The following WHAMM variants were observed in gnomAD, a reference collection of about 807,000 sequenced individuals.
The protein encoded by WHAMM is WASP homolog-associated protein with actin, membranes and microtubules.
In WHAMM, 67 loss-of-function variants were observed where a neutral mutation model predicts 76.5. The ratio of observed to expected loss-of-function variants is 0.88; its 90% CI spans 0.72 to 1.07. The LOEUF (loss-of-function observed/expected upper bound fraction) is 1.07, where lower values mean the gene tolerates loss of function less well. Among genes scored for constraint, WHAMM ranks in the 50% least tolerant of loss-of-function variants. The probability of loss-of-function intolerance (pLI) is 0.00; values close to 1 mark genes in which losing one functional copy is unlikely to be tolerated. For missense variants in WHAMM, 1,021 were observed against 1,051.1 expected (o/e 0.97, Z 0.40); for synonymous variants, 419 against 422.1 (o/e 0.99, Z 0.09).
In WHAMM at chr15:82,809,758, G is replaced by T; in HGVS notation, c.32G>T (p.Gly11Val). 1 of 1,576,054 alleles carries T rather than the reference G, an allele frequency of 6.3e-7. No individual in the cohort carries two copies. The highest frequency in any genetic ancestry group is 8.6e-7 in the Non-Finnish European group (1 of 1,161,792). Residue 11 changes from glycine to valine, a missense_variant, in exon 1 of 10, where the codon GGC (glycine) becomes GTC (valine). Coordinates refer to ENST00000286760, the MANE Select transcript of WHAMM (RefSeq NM_001080435.3). Reference protein sequence around the residue: MEDEQPDSLEGWVPVREGLFA... With the variant: MEDEQPDSLEVWVPVREGLFA... ...GACGAGCAGCCTGACAGCCTGGAGG[G>T]CTGGGTGCCGGTCCGGGAGGGCCTC...
intron 2 of WHAMM, among the ~76,000 whole-genome samples, chr15:82,815,016 C>T (rs2050696424): frequency 6.8e-6 from 1 of 147,186 alleles, no homozygotes; most frequent in South Asian, 2.1e-4. Flanking sequence ...GTGATCCGCC[C>T]GTCTCGGCCT....
rs1424519383 is a variant in WHAMM at position 82,813,028 on chromosome 15, T to C, written c.610-75T>C. Reference sequence around the variant, plus strand: ...AAAGTTGAGAACATGAAGGTTTCTTTTGTTTAGTTTTGTTTGTTGGGTATG... The same window carrying C: ...AAAGTTGAGAACATGAAGGTTTCTTCTGTTTAGTTTTGTTTGTTGGGTATG... On this transcript the variant is annotated intron_variant, in intron 1 of 9. Transcript: ENST00000286760. The C allele has an allele frequency of 6.1e-6, 7 of 1,142,252 alleles. No homozygotes were observed. In the African/African-American group the frequency reaches 7.9e-5, roughly 13 times the overall value. 70.8% of individuals were successfully genotyped at this position (1,142,252 alleles called of 1,614,324 possible).
chr15:82,830,404 A>G (rs942087641), intron 8 of WHAMM, among the ~76,000 whole-genome samples, 195 bp from the exon 9 acceptor site: 1 of 152,180 alleles, frequency 6.6e-6, no homozygotes, highest in African/African-American at 2.4e-5. Context: ...TGATCAAAGG[A>G]TATAAATGCT....
intron 6 of WHAMM, among the ~76,000 whole-genome samples, chr15:82,823,548 TACACAGGC>T (rs2050874708): frequency 6.6e-6 from 1 of 152,078 alleles, no homozygotes; most frequent in Non-Finnish European, 1.5e-5. Flanking sequence ...GCCCATTGCA[TACACAGGC>T]ACACAGGCAC....
chr15:82,816,837 TAGC>T lies in WHAMM; in HGVS notation c.932_934del (p.Ala311del). On this transcript the variant is annotated inframe_deletion and splice_region_variant, in exon 3 of 10. Transcript: ENST00000286760. ...TATTTTAAGGAGACAGTAAAAGCATTAGCAGGTGATAATTTAAAAAATGCTATA... is the reference window on the plus strand; with the variant it reads ...TATTTTAAGGAGACAGTAAAAGCATTAGGTGATAATTTAAAAAATGCTATA... 3.2e-6 allele frequency: 5 copies of T among 1,553,902 alleles called. No homozygotes were observed. The highest frequency in any genetic ancestry group is 2.6e-6 in the Non-Finnish European group (3 of 1,149,792).
chr15:82,826,287 C>T, intron 6 of WHAMM, 123 bp from the exon 7 acceptor site: 1 of 1,002,552 alleles, frequency 1.0e-6, no homozygotes, highest in South Asian at 1.4e-5. Context: ...TGGGCCGCTC[C>T]AGAACTAATA....
At chr15:82,824,768 C>G (rs1165095143) in intron 6 of WHAMM, among the ~76,000 whole-genome samples, 1 of 152,232 alleles carries the variant, frequency 6.6e-6, no homozygotes, top group Non-Finnish European at 1.5e-5. Context: ...GCCCAGCCTA[C>G]TATATTTTTC....
At chr15:82,818,552 T>C (rs2050767201) in intron 4 of WHAMM, among the ~76,000 whole-genome samples, 2 of 152,242 alleles carry the variant, frequency 1.3e-5, no homozygotes, top group Admixed American at 6.5e-5. Context: ...AAGCTCAGTA[T>C]TGAAATGGGT....
At chr15:82,815,108 A>ATT (rs1358122474) in intron 2 of WHAMM, among the ~76,000 whole-genome samples, 10 of 66,898 alleles carry the variant, frequency 1.5e-4, no homozygotes, top group Admixed American at 2.5e-4. Context: ...TCACTCACAG[A>ATT]TTTTATATAT....
rs2051120848 is a variant in WHAMM, at chr15:82,835,863, GA to G, written c.*2330del. 1 of 152,264 alleles carries G rather than the reference GA, an allele frequency of 6.6e-6. No homozygotes were observed. Among genetic ancestry groups the G allele is most frequent in the Non-Finnish European group, 1.5e-5 (1 of 68,044 alleles). 9.4% of individuals were successfully genotyped at this position (152,264 alleles called of 1,614,324 possible). A position where few individuals can be genotyped will look rare whatever the true frequency, so the allele number is the denominator to read the frequency against. ...CAGGCTCAGCATCAAACTTCCTAGG[GA>G]AAGAATTTGGAATTGAAAAAGTAGC... On this transcript the variant is annotated 3_prime_UTR_variant, in exon 10 of 10. Transcript: ENST00000286760.
rs774438545 is a variant in WHAMM, at chr15:82,823,307, CTTTCT to C, written c.1458+31_1458+35del. 8.0e-6 allele frequency: 11 copies of C among 1,375,558 alleles called. No homozygotes were observed. The highest frequency in any genetic ancestry group is 3.9e-4 in the Middle Eastern group (2 of 5,094). The allele number at this position is 1,375,558 out of a possible 1,614,324, so 85.2% of individuals were successfully genotyped here. ...AGAAAGGTAGGTACGCTCAGAGCGG[CTTTCT>C]TTTCTTTTCTCTTTCAGAGATTTAT... is the stretch of plus-strand genomic sequence containing the variant. On this transcript the variant is annotated intron_variant, in intron 6 of 9. Coordinates refer to ENST00000286760, the MANE Select transcript of WHAMM (RefSeq NM_001080435.3).
At chr15:82,810,676 C>A in intron 1 of WHAMM, 1 of 985,424 alleles carries the variant, frequency 1.0e-6, no homozygotes, top group Non-Finnish European at 1.2e-6. Flanking sequence ...TGAAAACAAC[C>A]CATCCATGTA....
In WHAMM at chr15:82,810,231, C is replaced by G; in HGVS notation, c.505C>G (p.Leu169Val). The change falls in exon 1 of 10, where the codon CTC (leucine) becomes GTC (valine). Residue 169 changes from leucine to valine, a missense_variant. Physicochemically the swap from Leu to Val is conservative, Grantham distance 32. Transcript: ENST00000286760. ...GCGGATVRDALFPAEGGAADC... is the reference protein window; with the variant it reads ...GCGGATVRDAVFPAEGGAADC... ...CGGCGGCGCCACAGTGCGCGACGCA[C>G]TCTTCCCGGCTGAGGGCGGCGCGGC... is the stretch of plus-strand genomic sequence containing the variant. The G allele has an allele frequency of 2.1e-6, 3 of 1,408,182 alleles. No homozygotes were observed. Among genetic ancestry groups the G allele is most frequent in the Non-Finnish European group, 2.8e-6 (3 of 1,080,630 alleles). 87.2% of individuals were successfully genotyped at this position (1,408,182 alleles called of 1,614,324 possible). A position where few individuals can be genotyped will look rare whatever the true frequency, so the allele number is the denominator to read the frequency against.
chr15:82,816,843 G>A lies in WHAMM; in HGVS notation c.934+1G>A. On this transcript the variant is annotated splice_donor_variant, in intron 3 of 9. Transcript: ENST00000286760. LOFTEE classifies it high-confidence loss of function. ...AAGGAGACAGTAAAAGCATTAGCAGGTGATAATTTAAAAAATGCTATATGA... is the reference window on the plus strand; with the variant it reads ...AAGGAGACAGTAAAAGCATTAGCAGATGATAATTTAAAAAATGCTATATGA... The A allele has an allele frequency of 6.4e-7, 1 of 1,551,072 alleles. No homozygotes were observed. The highest frequency in any genetic ancestry group is 8.7e-7 in the Non-Finnish European group (1 of 1,148,734).
In WHAMM at chr15:82,830,714, T is replaced by G; in HGVS notation, c.1757T>G (p.Ile586Ser). 6.2e-7 allele frequency: 1 copy of G among 1,613,934 alleles called. No homozygotes were observed. Among genetic ancestry groups the G allele is most frequent in the Non-Finnish European group, 8.5e-7 (1 of 1,179,868 alleles). Residue 586 changes from isoleucine (I) to serine (S), a missense_variant, in exon 9 of 10, where the codon ATT becomes AGT. By Grantham distance (142) the Ile-to-Ser change is moderately radical (BLOSUM62 -2). Coordinates refer to ENST00000286760, the MANE Select transcript of WHAMM (RefSeq NM_001080435.3). ...CLPASHAVSVIHPSSRKTRGV... is the reference protein window; with the variant it reads ...CLPASHAVSVSHPSSRKTRGV... ...CCAGCTTCCCACGCGGTGTCAGTAA[T>G]TCACCCGTCCTCTAGGAAAACTAGA...
At chr15:82,816,106 G>A (rs1213039522) in intron 2 of WHAMM, among the ~76,000 whole-genome samples, 1 of 151,974 alleles carries the variant, frequency 6.6e-6, no homozygotes, top group East Asian at 1.9e-4. Context: ...TTTTATAAGG[G>A]CATTAATCCC....
In WHAMM at chr15:82,813,251, C is replaced by T. The variant is rs905594453; in HGVS notation, c.758C>T (p.Ala253Val). ...LQPFRAMREVATLCKLDILKS... is the reference protein window; with the variant it reads ...LQPFRAMREVVTLCKLDILKS... Reference sequence around the variant, plus strand: ...CCATTTAGGGCTATGCGAGAAGTTGCAACTTTATGTAAGCTTGATATTTTG... The same window carrying T: ...CCATTTAGGGCTATGCGAGAAGTTGTAACTTTATGTAAGCTTGATATTTTG... The change falls in exon 2 of 10, where the codon GCA becomes GTA. Residue 253 changes from alanine to valine, a missense_variant. By Grantham distance (64) the Ala-to-Val change is moderately conservative. This residue lies in a region of WHAMM where 501 missense variants were observed against 524.9 expected (regional missense o/e 0.95). Transcript: ENST00000286760. 1.9e-6 allele frequency: 3 copies of T among 1,576,254 alleles called. No individual in the cohort carries two copies. The African/African-American group carries it at 4.1e-5, about 22-fold the overall frequency.
Position 82,810,190 on chromosome 15 carries a change from C to T in WHAMM, c.464C>T (p.Ala155Val). Residue 155 changes from alanine to valine, a missense_variant, in exon 1 of 10, where the codon GCG becomes GTG. Coordinates refer to ENST00000286760, the MANE Select transcript of WHAMM (RefSeq NM_001080435.3). ...LCGQLERYLG[A>V]AADGCGGATV... ...GGGCAGCTGGAACGCTATCTGGGCG[C>T]GGCGGCCGACGGCTGCGGCGGCGCC... 2.1e-6 allele frequency: 3 copies of T among 1,404,172 alleles called. No individual in the cohort carries two copies. In the South Asian group the frequency reaches 4.2e-5, roughly 20 times the overall value. 87.0% of individuals were successfully genotyped at this position (1,404,172 alleles called of 1,614,324 possible).
At position 82,820,464 on chromosome 15, in the gene WHAMM, G is replaced by A. The variant is rs539873416; in HGVS notation, c.1270+976G>A. ...CTAAGGATGGAATTATTGGGTCAAG[G>A]GCAATGTATATTTTACATTTTGATA... On this transcript the variant is annotated intron_variant, in intron 5 of 9. Transcript: ENST00000286760. 5.9e-4 allele frequency among the ~76,000 whole-genome samples: 90 copies of A among 152,150 alleles called. No individual in the cohort carries two copies. In the Middle Eastern group the frequency reaches 0.01, roughly 17 times the overall value.
Sources: allele counts gnomAD v4.1 joint callset (sites outside exome capture counted in the v4.1 genomes callset), GRCh38; gene constraint gnomAD v4.1.1; regional missense constraint gnomAD v4.1.1; transcripts MANE v1.5; gene names NCBI Gene and HGNC (gene_info 2026-07-23, HGNC 2026-07-21).